The following SON variants were observed in gnomAD, a reference collection of about 807,000 sequenced individuals.
SON encodes the protein protein SON.
Under a neutral mutation model 173.3 loss-of-function variants are expected in SON, and 4 were observed. That is an observed-to-expected ratio of 0.02 (90% confidence interval 0.01 to 0.05). The LOEUF (loss-of-function observed/expected upper bound fraction) is 0.05. Ranked by LOEUF, SON falls within the 10% of genes least tolerant of loss-of-function variation. SON has a pLI of 1.00. For synonymous variants in SON, 1,190 were observed against 1,105.9 expected, an observed-to-expected ratio of 1.08 and a Z score of -1.51; for missense variants, 2,626 against 3,055.3, an observed-to-expected ratio of 0.86 and a Z score of 3.31.
intron 3 of SON, among the ~76,000 whole-genome samples, chr21:33,556,005 A>G (rs2085958978): frequency 6.6e-6 from 1 of 152,210 alleles, no homozygotes; most frequent in Non-Finnish European, 1.5e-5. Context: ...TAACTGTTCT[A>G]ATTTCCCCTG....
chr21:33,543,121 G>C lies in SON; in HGVS notation c.29G>C (p.Arg10Thr), dbSNP rs756826467. 6.2e-7 allele frequency: 1 copy of C among 1,614,240 alleles called. No homozygotes were observed. The highest frequency in any genetic ancestry group is 1.1e-5 in the South Asian group (1 of 91,088). ...GCGACCAACATCGAGCAGATTTTTA[G>C]GTCTTTCGTGGTCAGTAAATTCCGG... MATNIEQIFRSFVVSKFREI... is the reference protein window; with the variant it reads MATNIEQIFTSFVVSKFREI... Residue 10 changes from arginine to threonine, a missense_variant, in exon 1 of 12, where the codon AGG (arginine) becomes ACG (threonine). Arg to Thr is a moderately conservative substitution (Grantham distance 71, BLOSUM62 -1). Coordinates refer to ENST00000356577, the MANE Select transcript of SON (RefSeq NM_138927.4).
chr21:33,572,866 G>A (rs1229287103), intron 8 of SON, among the ~76,000 whole-genome samples: 1 of 150,812 alleles, frequency 6.6e-6, no homozygotes, highest in Non-Finnish European at 1.5e-5. Context: ...ACAACAGTAT[G>A]CTTCTTCAGT....
intron 1 of SON, among the ~76,000 whole-genome samples, chr21:33,545,510 C>A (rs987214703): frequency 6.6e-6 from 1 of 152,010 alleles, no homozygotes; most frequent in South Asian, 2.1e-4. Context: ...AATTACTGGG[C>A]GAATGATATG....
rs146426583 is a variant in SON, at chr21:33,550,811, A to G, written c.1580A>G (p.His527Arg). 108 of 1,614,108 alleles carry G rather than the reference A, an allele frequency of 6.7e-5. No homozygotes were observed. In the African/African-American group the frequency reaches 1.3e-3, roughly 20 times the overall value. Residue 527 changes from histidine (H) to arginine (R), a missense_variant, in exon 3 of 12, where the codon CAT (histidine) becomes CGT (arginine). Physicochemically the swap from His to Arg is conservative, Grantham distance 29 (BLOSUM62 0). Around this residue, in one of 13 missense-constraint regions of SON, gnomAD observed 757 missense variants for 730.1 expected, o/e 1.04. Transcript: ENST00000356577. ...VGMTTVEHPG[H>R]PEVTTATGLL... ...ATGACAACGGTGGAACATCCTGGGC[A>G]TCCTGAGGTGACAACGGCAACAGGG...
intron 1 of SON, among the ~76,000 whole-genome samples, chr21:33,544,900 ATAT>A (rs2085579474): frequency 6.6e-6 from 1 of 152,226 alleles, no homozygotes; most frequent in Non-Finnish European, 1.5e-5. Flanking sequence ...TCTAAAAATA[ATAT>A]TAGACGAAGC....
At chr21:33,543,699 A>G (rs1161063367) in intron 1 of SON, among the ~76,000 whole-genome samples, 1 of 152,248 alleles carries the variant, frequency 6.6e-6, no homozygotes, top group African/African-American at 2.4e-5. Flanking sequence ...AGTGTCCTGT[A>G]GTATCTGTCA....
chr21:33,571,918 C>T (rs997323630), intron 8 of SON: 9 of 152,566 alleles, frequency 5.9e-5, no homozygotes, highest in African/African-American at 1.9e-4. Context: ...GTTTTTACCT[C>T]CACAGCTGCC....
intron 6 of SON, among the ~76,000 whole-genome samples, chr21:33,565,517 A>C (rs921885682): frequency 3.3e-5 from 5 of 152,206 alleles, no homozygotes; most frequent in Non-Finnish European, 5.9e-5. Flanking sequence ...ATGAATTTTC[A>C]CCTGAAATAT....
intron 9 of SON, among the ~76,000 whole-genome samples, chr21:33,575,161 G>A (rs959189290): frequency 3.9e-5 from 6 of 151,902 alleles, no homozygotes; most frequent in African/African-American, 7.3e-5. Flanking sequence ...CCAGCCTCCC[G>A]AGTAGCTGGG....
intron 9 of SON, among the ~76,000 whole-genome samples, chr21:33,574,005 G>T (rs543172168): frequency 6.6e-5 from 10 of 152,292 alleles, no homozygotes; most frequent in Non-Finnish European, 1.0e-4. Flanking sequence ...AAGGCATCTT[G>T]GAACTGTTAG....
intron 6 of SON, among the ~76,000 whole-genome samples, chr21:33,565,620 TTAA>T (rs2086153758): frequency 6.6e-6 from 1 of 152,224 alleles, no homozygotes; most frequent in Admixed American, 6.5e-5. Flanking sequence ...TTTGCTTAGA[TTAA>T]TATTTCTAAT....
rs1250968823 is a variant in SON at position 33,555,152 on chromosome 21, C to T, written c.5921C>T (p.Pro1974Leu). 1 of 1,507,872 alleles carries T rather than the reference C, an allele frequency of 6.6e-7. No individual in the cohort carries two copies. Among genetic ancestry groups the T allele is most frequent in the South Asian group, 1.2e-5 (1 of 81,248 alleles). 93.4% of individuals were successfully genotyped at this position (1,507,872 alleles called of 1,614,324 possible). ...SRTPSRRSRT[P>L]SRRSRTPSRR... ...ACCCCCAGCCGCCGCAGCCGCACCC[C>T]CAGCCGCCGCAGCCGCACCCCCAGC... The change falls in exon 3 of 12, where the codon CCC (proline) becomes CTC (leucine). Residue 1974 changes from proline to leucine, a missense_variant. Physicochemically the swap from Pro to Leu is moderately conservative, Grantham distance 98 (BLOSUM62 -3). Coordinates refer to ENST00000356577, the MANE Select transcript of SON (RefSeq NM_138927.4).
intron 1 of SON, 81 bp downstream of exon 1, chr21:33,543,250 C>G (rs1167474767): frequency 2.3e-6 from 3 of 1,324,956 alleles, no homozygotes; most frequent in Non-Finnish European, 2.2e-6. Context: ...TCTTCGGAGA[C>G]GCAGTCGTTC....
chr21:33,574,216 C>T (rs2086349488), intron 9 of SON, among the ~76,000 whole-genome samples: 1 of 152,160 alleles, frequency 6.6e-6, no homozygotes, highest in Non-Finnish European at 1.5e-5. Context: ...TTTTGTATAG[C>T]TTGTTTAAAC....
intron 8 of SON, 81 bp from the exon 9 acceptor site, chr21:33,573,227 C>G (rs112759933): frequency 2.1e-4 from 256 of 1,211,994 alleles, no homozygotes; most frequent in Non-Finnish European, 2.1e-4. Context: ...TAAGATTCCT[C>G]TTTTTAGAAA....
chr21:33,543,278 T>TA (rs2145789731), intron 1 of SON, 109 bp downstream of exon 1: 1 of 1,040,436 alleles, frequency 9.6e-7, no homozygotes, highest in East Asian at 2.5e-5. Context: ...CAGGCCCCGC[T>TA]AGGGCCCCGC....
intron 6 of SON, among the ~76,000 whole-genome samples, chr21:33,564,650 C>G (rs1439500142): frequency 6.6e-6 from 1 of 152,144 alleles, no homozygotes; most frequent in African/African-American, 2.4e-5. Flanking sequence ...CACCTGAGGT[C>G]AGGAGTTCAA....
chr21:33,560,429 A>G, intron 6 of SON: 1 of 1,095,674 alleles, frequency 9.1e-7, no homozygotes, highest in Non-Finnish European at 1.1e-6. Flanking sequence ...AAAGTCGGAG[A>G]AGTGGAATTC....
At position 33,553,420 on chromosome 21, in the gene SON, G is replaced by A. The variant is rs913186448; in HGVS notation, c.4189G>A (p.Val1397Met). Residue 1397 changes from valine (V) to methionine (M), a missense_variant, in exon 3 of 12, where the codon GTG becomes ATG. Physicochemically the swap from Val to Met is conservative, Grantham distance 21. This residue lies in a region of SON where 1,006 missense variants were observed against 895.6 expected (regional missense o/e 1.12). Coordinates refer to ENST00000356577, the MANE Select transcript of SON (RefSeq NM_138927.4). The part of the protein sequence containing the change: ...SVVTVPEPPV[V>M]AEPDYVTIPV... ...TGTGACTGTCCCGGAGCCTCCTGTT[G>A]TGGCTGAGCCAGACTATGTTACCAT... The A allele has an allele frequency of 2.5e-6, 4 of 1,613,926 alleles. No homozygotes were observed. In the Admixed American group the frequency reaches 6.7e-5, roughly 27 times the overall value.
Sources: gnomAD v4.1 joint callset for allele counts (sites outside exome capture counted in the v4.1 genomes callset) on GRCh38, gnomAD v4.1.1 for gene constraint, gnomAD v4.1.1 regional missense constraint, MANE v1.5 for transcripts, NCBI Gene and HGNC (gene_info 2026-07-23, HGNC 2026-07-21) for gene names.